Variants in OSBPL3 observed in about 807,000 individuals in gnomAD.
The protein encoded by OSBPL3 is oxysterol-binding protein-related protein 3.
In OSBPL3, 65 loss-of-function variants were observed where a neutral mutation model predicts 120.1. The ratio of observed to expected loss-of-function variants is 0.54; its 90% CI spans 0.44 to 0.67. The LOEUF is 0.67. Ranked by LOEUF, OSBPL3 falls within the 30% of genes least tolerant of loss-of-function variation. The probability of loss-of-function intolerance (pLI) is 0.00; values close to 1 mark genes in which losing one functional copy is unlikely to be tolerated. For missense variants in OSBPL3, 1,004 were observed against 1,082.1 expected (o/e 0.93, Z 1.01); for synonymous variants, 416 against 402.6 (o/e 1.03, Z -0.40).
At chr7:24,925,135 A>G (rs1363350801) in intron 1 of OSBPL3, among the ~76,000 whole-genome samples, 1 of 152,230 alleles carries the variant, frequency 6.6e-6, no homozygotes, top group African/African-American at 2.4e-5. Flanking sequence ...GTATGTTAGC[A>G]CAGAGTTGGA....
At chr7:24,911,232 C>T (rs1303857558) in intron 1 of OSBPL3, among the ~76,000 whole-genome samples, 1 of 152,142 alleles carries the variant, frequency 6.6e-6, no homozygotes, top group East Asian at 1.9e-4. Context: ...ATAGCACCAC[C>T]CAAGAACTTA....
intron 1 of OSBPL3, among the ~76,000 whole-genome samples, chr7:24,944,357 G>A (rs112990541): frequency 0.026 from 3,957 of 151,904 alleles, 172 homozygotes; most frequent in African/African-American, 0.09. Flanking sequence ...GGCCGGGCGC[G>A]GTGGCTCACG....
At chr7:24,890,541 C>A (rs1161496833) in intron 2 of OSBPL3, among the ~76,000 whole-genome samples, 1 of 152,148 alleles carries the variant, frequency 6.6e-6, no homozygotes, top group Non-Finnish European at 1.5e-5. Flanking sequence ...GGACAGAACA[C>A]CTTTCTTCGA....
rs371214509 is a variant in OSBPL3, at chr7:24,959,972, G to C, written c.-150+19914C>G. ...GTGACCAACAGAGATCAGCTACTGA[G>C]AGTAGGCAAAGATTGCAGAGAAAGA... On this transcript the variant is annotated intron_variant, in intron 1 of 22. Coordinates refer to ENST00000313367, the MANE Select transcript of OSBPL3 (RefSeq NM_015550.4). This position sits in a 1 kb window ranked among gnomAD's most constrained non-coding sequence, Gnocchi z 4.3. Among the ~76,000 whole-genome samples, 1 of 152,156 alleles carries C rather than the reference G, an allele frequency of 6.6e-6. No homozygotes were observed. Among genetic ancestry groups the C allele is most frequent in the East Asian group, 1.9e-4 (1 of 5,200 alleles).
In OSBPL3 at chr7:24,834,077, G is replaced by T. The variant is rs371253425; in HGVS notation, c.1746+409C>A. 43 of 990,080 alleles carry T rather than the reference G, an allele frequency of 4.3e-5. 1 individual carries two copies. In the Admixed American group the frequency reaches 7.3e-4, roughly 17 times the overall value. The allele number at this position is 990,080 out of a possible 1,614,324, so 61.3% of individuals were successfully genotyped here. A position where few individuals can be genotyped will look rare whatever the true frequency, so the allele number is the denominator to read the frequency against. On this transcript the variant is annotated intron_variant, in intron 15 of 22. Transcript: ENST00000313367. The surrounding 1 kb of genome is among the most constrained non-coding windows in gnomAD (Gnocchi z 5.2). Reference sequence around the variant, plus strand: ...AGAAATAAACACAAACATTCTCAGGGGAAACTTACCCTGGATGAGAAAAAC... The same window carrying T: ...AGAAATAAACACAAACATTCTCAGGTGAAACTTACCCTGGATGAGAAAAAC...
In OSBPL3 at chr7:24,815,239, A is replaced by G. The variant is rs1489386061; in HGVS notation, c.2028-36T>C. The G allele has an allele frequency of 5.1e-6, 8 of 1,581,910 alleles. No individual in the cohort carries two copies. Among genetic ancestry groups the G allele is most frequent in the Admixed American group, 1.7e-5 (1 of 58,794 alleles). ...GGAAAAAGTAGAAGTACCAATTTCT[A>G]GAAGAGCCAGCAGCAAATGCAAACA... On this transcript the variant is annotated intron_variant, in intron 18 of 22. Coordinates refer to ENST00000313367, the MANE Select transcript of OSBPL3 (RefSeq NM_015550.4). The surrounding 1 kb of genome is among the most constrained non-coding windows in gnomAD (Gnocchi z 5.1).
Position 24,820,330 on chromosome 7 carries a change from G to T in OSBPL3, c.1885-92C>A. 1 of 923,498 alleles carries T rather than the reference G, an allele frequency of 1.1e-6. No individual in the cohort carries two copies. 57.2% of individuals were successfully genotyped at this position (923,498 alleles called of 1,614,324 possible). On this transcript the variant is annotated intron_variant, in intron 16 of 22. Transcript: ENST00000313367. The surrounding 1 kb of genome is among the most constrained non-coding windows in gnomAD (Gnocchi z 4.6). ...TTCTCCCCTGCACTGAGATGTAACA[G>T]CGTGCAATGCTGAACTGAAGGAAAA...
chr7:24,801,426 A>G (rs1792342137), intron 22 of OSBPL3, among the ~76,000 whole-genome samples: 1 of 152,048 alleles, frequency 6.6e-6, no homozygotes. Context: ...TTCTCCTCAG[A>G]GGTAGTGATG....
Position 24,852,519 on chromosome 7 carries a change from C to G in OSBPL3, c.1143G>C (p.Lys381Asn). 6.3e-7 allele frequency: 1 copy of G among 1,587,456 alleles called. No homozygotes were observed. The highest frequency in any genetic ancestry group is 8.5e-7 in the Non-Finnish European group (1 of 1,172,968). ...TGTAACTTACGGATGACAGGGCGTT[C>G]TTCAGACCAATGACCTGAGCAGACG... Reference protein sequence around the residue: ...SSPSAQVIGLKNALSSALAQN... With the variant: ...SSPSAQVIGLNNALSSALAQN... Residue 381 changes from lysine (K) to asparagine (N), a missense_variant, in exon 11 of 23, where the codon AAG becomes AAC. Lys to Asn is a moderately conservative substitution (Grantham distance 94). Around this residue, in one of 4 missense-constraint regions of OSBPL3, gnomAD observed 272 missense variants for 248.8 expected, o/e 1.09. Transcript: ENST00000313367. The surrounding 1 kb of genome is among the most constrained non-coding windows in gnomAD (Gnocchi z 4.1).
At chr7:24,859,678 T>C (rs572399377) in intron 10 of OSBPL3, among the ~76,000 whole-genome samples, 21 of 152,314 alleles carry the variant, frequency 1.4e-4, no homozygotes, top group African/African-American at 4.6e-4. Context: ...AGGAAGCTGT[T>C]ATTTTATCTA....
chr7:24,980,733 G>A (rs1226597368), upstream of OSBPL3, among the ~76,000 whole-genome samples: 2 of 152,032 alleles, frequency 1.3e-5, no homozygotes, highest in East Asian at 3.9e-4. Context: ...ATCAGTGTGA[G>A]ACCCGGGGCT....
At chr7:24,903,397 C>T (rs749988387) in intron 1 of OSBPL3, among the ~76,000 whole-genome samples, 5 of 152,214 alleles carry the variant, frequency 3.3e-5, no homozygotes, top group Non-Finnish European at 7.3e-5. Flanking sequence ...TTACTACTAG[C>T]CTTTTGAAGT....
At chr7:24,857,256 C>T (rs1799949005) in intron 10 of OSBPL3, among the ~76,000 whole-genome samples, 1 of 152,240 alleles carries the variant, frequency 6.6e-6, no homozygotes, top group Non-Finnish European at 1.5e-5. Flanking sequence ...ATTTCCTTCA[C>T]TTGTAGGAAA....
At chr7:24,979,573 C>T (rs926183585) in intron 1 of OSBPL3, among the ~76,000 whole-genome samples, 41 of 152,350 alleles carry the variant, frequency 2.7e-4, no homozygotes, top group African/African-American at 7.5e-4. Flanking sequence ...GCTCCGCGCG[C>T]CGCGTCCTCC....
In OSBPL3 at chr7:24,896,008, C is replaced by T. The variant is rs1806081275; in HGVS notation, c.-149-3387G>A. On this transcript the variant is annotated intron_variant, in intron 1 of 22. Coordinates refer to ENST00000313367, the MANE Select transcript of OSBPL3 (RefSeq NM_015550.4). This position sits in a 1 kb window ranked among gnomAD's most constrained non-coding sequence, Gnocchi z 4.4. ...TGGTCCCCTGGAGCTGATCTTTTTG[C>T]AGATTGCTGTCCCTGAGTAAATCTC... 1.3e-5 allele frequency among the ~76,000 whole-genome samples: 2 copies of T among 152,136 alleles called. No homozygotes were observed. Among genetic ancestry groups the T allele is most frequent in the African/African-American group, 4.8e-5 (2 of 41,438 alleles).
chr7:24,958,652 C>T (rs774658743), intron 1 of OSBPL3, among the ~76,000 whole-genome samples: 6 of 152,172 alleles, frequency 3.9e-5, no homozygotes, highest in Non-Finnish European at 8.8e-5. Flanking sequence ...CTGCCATGTA[C>T]ACATATGAAC....
Position 24,964,117 on chromosome 7 carries a change from G to A in OSBPL3, c.-150+15769C>T, listed in dbSNP as rs748087816. Reference sequence around the variant, plus strand: ...GGATCCACACTGATTAAAAAAAACTGATTGAATAAACAAATGGAGAAGAAG... The same window carrying A: ...GGATCCACACTGATTAAAAAAAACTAATTGAATAAACAAATGGAGAAGAAG... On this transcript the variant is annotated intron_variant, in intron 1 of 22. Coordinates refer to ENST00000313367, the MANE Select transcript of OSBPL3 (RefSeq NM_015550.4). The surrounding 1 kb of genome is among the most constrained non-coding windows in gnomAD (Gnocchi z 4.2). Among the ~76,000 whole-genome samples the A allele has an allele frequency of 1.3e-5, 2 of 152,046 alleles. No homozygotes were observed. The highest frequency in any genetic ancestry group is 2.9e-5 in the Non-Finnish European group (2 of 68,012).
At chr7:24,861,482 A>C (rs933975784) in intron 10 of OSBPL3, 131 bp downstream of exon 10, 2 of 576,558 alleles carry the variant, frequency 3.5e-6, no homozygotes, top group Non-Finnish European at 5.8e-6. Flanking sequence ...TAAAATAAAG[A>C]TTAGGTTTCC....
At chr7:24,928,484 C>A (rs891956215) in intron 1 of OSBPL3, among the ~76,000 whole-genome samples, 1 of 152,178 alleles carries the variant, frequency 6.6e-6, no homozygotes, top group Admixed American at 6.5e-5. Flanking sequence ...AGCCACCGTG[C>A]CCGGCCACCT....
Sources: gnomAD v4.1 joint callset for allele counts (sites outside exome capture counted in the v4.1 genomes callset) on GRCh38, gnomAD v4.1.1 for gene constraint, gnomAD v4.1.1 regional missense constraint, Gnocchi (gnomAD v3.1) non-coding constraint, MANE v1.5 for transcripts, NCBI Gene and HGNC (gene_info 2026-07-23, HGNC 2026-07-21) for gene names.